Variants in NUP107 observed in about 807,000 individuals in gnomAD.
NUP107 encodes nucleoporin 107, also known as nuclear pore complex protein Nup107.
In NUP107, 101 loss-of-function variants were observed where a neutral mutation model predicts 141.0. The ratio of observed to expected loss-of-function variants is 0.72; its 90% CI spans 0.61 to 0.84. NUP107 has a LOEUF of 0.84. NUP107 is among the 40% of genes least tolerant of loss of function. The pLI, the probability that NUP107 is intolerant of heterozygous loss-of-function variation, is 0.00. For synonymous variants in NUP107, 319 were observed against 363.9 expected, an observed-to-expected ratio of 0.88 and a Z score of 1.41; for missense variants, 941 against 1,102.7, an observed-to-expected ratio of 0.85 and a Z score of 2.08.
At chr12:68,741,747 G>A in intron 26 of NUP107, 66 bp from the exon 27 acceptor site, 1 of 1,473,208 alleles carries the variant, frequency 6.8e-7, no homozygotes, top group South Asian at 1.3e-5. Flanking sequence ...TTCAGTACCT[G>A]GCTTTTCTTT....
At chr12:68,695,262 C>T (rs1875995525) in intron 5 of NUP107, among the ~76,000 whole-genome samples, 1 of 152,198 alleles carries the variant, frequency 6.6e-6, no homozygotes, top group Non-Finnish European at 1.5e-5. Flanking sequence ...AGCAAACCTG[C>T]CTCTGGGTAT....
Position 68,689,583 on chromosome 12 carries a change from G to A in NUP107, c.151G>A (p.Val51Ile), listed in dbSNP as rs748548782. 6.2e-7 allele frequency: 1 copy of A among 1,612,582 alleles called. No individual in the cohort carries two copies. The highest frequency in any genetic ancestry group is 1.7e-5 in the Admixed American group (1 of 59,752). The change falls in exon 3 of 28, where the codon GTT (valine) becomes ATT (isoleucine). Residue 51 changes from valine to isoleucine, a missense_variant. Physicochemically the swap from Val to Ile is conservative, Grantham distance 29. Coordinates refer to ENST00000229179, the MANE Select transcript of NUP107 (RefSeq NM_020401.4). ...NFGNTTPRNQVIPRTPSSFRQ... is the reference protein window; with the variant it reads ...NFGNTTPRNQIIPRTPSSFRQ... ...TGGTAATACTACACCAAGAAACCAG[G>A]TTATCCCTCGAACTCCTAGCTCATT...
At chr12:68,725,273 CTATT>C (rs1402703135) in intron 17 of NUP107, among the ~76,000 whole-genome samples, 1 of 151,936 alleles carries the variant, frequency 6.6e-6, no homozygotes, top group Non-Finnish European at 1.5e-5. Context: ...TACCTGATCA[CTATT>C]TTTTTTTTTC....
In NUP107 at chr12:68,719,352, C is replaced by T. The variant is rs1442485055; in HGVS notation, c.1095C>T (p.Leu365=). ...RAGMTEEAQR[L]CKRCGQAWRA... ...TCTTGTTTTCTAAGGCACAACGACT[C>T]TGTAAACGCTGTGGTCAAGCATGGA... The change falls in exon 13 of 28, where the codon CTC becomes CTT. Residue 365 remains leucine (L), a synonymous_variant. Transcript: ENST00000229179. 1 of 1,614,034 alleles carries T rather than the reference C, an allele frequency of 6.2e-7. No homozygotes were observed. The highest frequency in any genetic ancestry group is 8.5e-7 in the Non-Finnish European group (1 of 1,179,934).
chr12:68,732,273 T>G (rs1877862536), intron 22 of NUP107, among the ~76,000 whole-genome samples: 1 of 152,138 alleles, frequency 6.6e-6, no homozygotes, highest in East Asian at 1.9e-4. Flanking sequence ...TAGCTGGGAT[T>G]ACAGGCATGT....
At chr12:68,728,425 T>A (rs200246265) in intron 20 of NUP107, among the ~76,000 whole-genome samples, 1 of 145,334 alleles carries the variant, frequency 6.9e-6, no homozygotes, top group East Asian at 2.3e-4. Context: ...ACCTGTCTTT[T>A]TTTTTTTTTT....
chr12:68,690,597 CT>C, intron 3 of NUP107, 33 bp from the exon 4 acceptor site: 2 of 1,613,904 alleles, frequency 1.2e-6, no homozygotes, highest in South Asian at 1.1e-5. Context: ...TGCTCACGCA[CT>C]TTAGGTTCTT....
At chr12:68,696,539 C>T (rs978196209) in intron 5 of NUP107, among the ~76,000 whole-genome samples, 2 of 151,726 alleles carry the variant, frequency 1.3e-5, no homozygotes, top group African/African-American at 2.4e-5. Context: ...ATGGTGAAAC[C>T]CCATCTCTAC....
Position 68,687,041 on chromosome 12 carries a change from G to A in NUP107, c.-25G>A. On this transcript the variant is annotated 5_prime_UTR_variant, in exon 1 of 28. Coordinates refer to ENST00000229179, the MANE Select transcript of NUP107 (RefSeq NM_020401.4). ...GGTAGCTAAACTGCAGCCAACTTTG[G>A]TTGTGTGTGGAAAAGGCTTTAGCCA... is the stretch of plus-strand genomic sequence containing the variant. 1.9e-6 allele frequency: 3 copies of A among 1,614,158 alleles called. No individual in the cohort carries two copies. The highest frequency in any genetic ancestry group is 2.7e-5 in the African/African-American group (2 of 75,060).
intron 20 of NUP107, among the ~76,000 whole-genome samples, chr12:68,730,717 C>T (rs1429036528): frequency 6.6e-6 from 1 of 152,202 alleles, no homozygotes; most frequent in African/African-American, 2.4e-5. Context: ...GTAATCCCAG[C>T]ACTTTAGGAG....
intron 5 of NUP107, among the ~76,000 whole-genome samples, chr12:68,694,256 A>G (rs1430411506): frequency 1.3e-5 from 2 of 152,228 alleles, no homozygotes; most frequent in East Asian, 1.9e-4. Context: ...GCCATTTAGT[A>G]TGTATTATAA....
intron 8 of NUP107, among the ~76,000 whole-genome samples, chr12:68,708,766 G>A (rs544469774): frequency 1.3e-5 from 2 of 152,108 alleles, no homozygotes; most frequent in South Asian, 2.1e-4. Context: ...TTACAGGCTT[G>A]CGTCACCACG....
intron 20 of NUP107, among the ~76,000 whole-genome samples, chr12:68,729,477 C>A (rs1592518482): frequency 6.7e-6 from 1 of 149,648 alleles, no homozygotes; most frequent in Non-Finnish European, 1.5e-5. Flanking sequence ...CACTTTGATG[C>A]CCGGGCTGGA....
rs1875646529 is a variant in NUP107, at chr12:68,689,035, G to A, written c.82G>A (p.Ala28Thr). The change falls in exon 2 of 28, where the codon GCT becomes ACT. Residue 28 changes from alanine (A) to threonine (T), a missense_variant. Physicochemically the swap from Ala to Thr is moderately conservative, Grantham distance 58 (BLOSUM62 0). Transcript: ENST00000229179. ...GACACGGACTGCACGGAAACAGAGT[G>A]CTCAGAAAAGAGTTTTACGTATCCT... ...EVTRTARKQS[A>T]QKRVLLQASQ... 6.2e-7 allele frequency: 1 copy of A among 1,612,444 alleles called. No homozygotes were observed. Among genetic ancestry groups the A allele is most frequent in the Non-Finnish European group, 8.5e-7 (1 of 1,178,992 alleles).
In NUP107 at chr12:68,693,061, TTTTATTTA is replaced by T. The variant is rs1168023711; in HGVS notation, c.448+969_448+976del. ...CACTGCGCCTGGCCGCCAGCTAATT[TTTTATTTA>T]TTTATTTATTTATTTATTTTTTTTT... On this transcript the variant is annotated intron_variant, in intron 5 of 27. Coordinates refer to ENST00000229179, the MANE Select transcript of NUP107 (RefSeq NM_020401.4). 1.7e-4 allele frequency among the ~76,000 whole-genome samples: 25 copies of T among 149,428 alleles called. No homozygotes were observed. In the South Asian group the frequency reaches 1.7e-3, roughly 10 times the overall value.
chr12:68,702,114 G>A (rs576536710), intron 7 of NUP107, among the ~76,000 whole-genome samples: 6 of 152,078 alleles, frequency 3.9e-5, no homozygotes, highest in South Asian at 2.1e-4. Context: ...TCAGCCTCCC[G>A]AGTAGCTGGG....
At chr12:68,708,200 G>T (rs1213544200) in intron 8 of NUP107, among the ~76,000 whole-genome samples, 1 of 152,048 alleles carries the variant, frequency 6.6e-6, no homozygotes, top group Non-Finnish European at 1.5e-5. Context: ...AATCCCCCAT[G>T]GATACCAAGG....
At chr12:68,741,502 G>A (rs973543636) in intron 26 of NUP107, among the ~76,000 whole-genome samples, 1 of 152,066 alleles carries the variant, frequency 6.6e-6, no homozygotes, top group East Asian at 1.9e-4. Context: ...TTATTTATAT[G>A]TATAAACATC....
intron 11 of NUP107, chr12:68,714,450 T>C (rs1224325918): frequency 6.6e-6 from 1 of 152,244 alleles, no homozygotes; most frequent in Non-Finnish European, 1.5e-5. Context: ...GAAAATCGTT[T>C]AATCTTACCA....
Sources: gnomAD v4.1 joint callset for allele counts (sites outside exome capture counted in the v4.1 genomes callset) on GRCh38, gnomAD v4.1.1 for gene constraint, MANE v1.5 for transcripts, NCBI Gene and HGNC (gene_info 2026-07-23, HGNC 2026-07-21) for gene names.